The following INTU variants were observed in gnomAD, a reference collection of about 807,000 sequenced individuals.
INTU encodes the protein protein inturned.
INTU carries 68 observed loss-of-function variants against 100.5 expected under a neutral mutation model. The ratio of observed to expected loss-of-function variants is 0.68; its 90% CI spans 0.56 to 0.83. The LOEUF (loss-of-function observed/expected upper bound fraction) is 0.83, where lower values mean the gene tolerates loss of function less well. Among genes scored for constraint, INTU ranks in the 40% least tolerant of loss-of-function variants. The pLI is 0.00. For synonymous variants in INTU, 357 were observed against 395.7 expected, an observed-to-expected ratio of 0.90 and a Z score of 1.16; for missense variants, 1,071 against 1,114.7, an observed-to-expected ratio of 0.96 and a Z score of 0.56.
intron 3 of INTU, among the ~76,000 whole-genome samples, chr4:127,657,140 A>G (rs1728267709): frequency 6.6e-6 from 1 of 152,154 alleles, no homozygotes; most frequent in Non-Finnish European, 1.5e-5. Context: ...AAAACAAATC[A>G]TACAAGTTTC....
chr4:127,680,178 A>G (rs1729457550), intron 6 of INTU, among the ~76,000 whole-genome samples: 1 of 152,184 alleles, frequency 6.6e-6, no homozygotes, highest in African/African-American at 2.4e-5. Flanking sequence ...CAGAGGTACA[A>G]GGAGAAACTG....
At chr4:127,676,418 T>A (rs1216868461) in intron 6 of INTU, among the ~76,000 whole-genome samples, 1 of 151,974 alleles carries the variant, frequency 6.6e-6, no homozygotes, top group African/African-American at 2.4e-5. Context: ...AAACCCCGTC[T>A]CTTCAGCAAA....
intron 1 of INTU, among the ~76,000 whole-genome samples, chr4:127,640,696 C>T (rs1397569140): frequency 6.7e-6 from 1 of 149,918 alleles, no homozygotes; most frequent in Admixed American, 6.6e-5. Context: ...ACCAAATGTC[C>T]TACATCCTTG....
chr4:127,647,978 T>C (rs1373548989), intron 2 of INTU, among the ~76,000 whole-genome samples: 1 of 152,202 alleles, frequency 6.6e-6, no homozygotes, highest in South Asian at 2.1e-4. Context: ...AAGTATATAC[T>C]GAGAAATTGA....
At chr4:127,687,925 T>C (rs1372505599) in intron 8 of INTU, 58 bp downstream of exon 8, 2 of 1,152,664 alleles carry the variant, frequency 1.7e-6, no homozygotes, top group Non-Finnish European at 2.4e-6. Flanking sequence ...TAATCTTGTA[T>C]CTTCTCTTTT....
intron 2 of INTU, among the ~76,000 whole-genome samples, chr4:127,653,877 C>A (rs1404357971): frequency 6.6e-6 from 1 of 151,708 alleles, no homozygotes; most frequent in African/African-American, 2.4e-5. Flanking sequence ...GTAGGTCACT[C>A]AGGACTTGCT....
chr4:127,691,713 A>T (rs936287540), intron 8 of INTU, among the ~76,000 whole-genome samples: 1 of 151,680 alleles, frequency 6.6e-6, no homozygotes, highest in African/African-American at 2.4e-5. Flanking sequence ...TATACACTGT[A>T]CCTAATGTGT....
At chr4:127,711,216 A>G (rs1309546125) in intron 14 of INTU, 114 bp downstream of exon 14, 2 of 781,490 alleles carry the variant, frequency 2.6e-6, no homozygotes, top group African/African-American at 1.7e-5. Flanking sequence ...GTTTTTTTAA[A>G]TAGTCACTTA....
chr4:127,712,926 C>G (rs1196088856), intron 14 of INTU, among the ~76,000 whole-genome samples: 1 of 152,160 alleles, frequency 6.6e-6, no homozygotes, highest in Non-Finnish European at 1.5e-5. Context: ...ACTCTAATGC[C>G]TGATGATCTG....
chr4:127,643,587 TGAGGATGAAGAAGAAA>T lies in INTU; in HGVS notation c.215_230del (p.Glu72AlafsTer9), dbSNP rs1311989830. 1 of 1,612,542 alleles carries T rather than the reference TGAGGATGAAGAAGAAA, an allele frequency of 6.2e-7. No homozygotes were observed. The highest frequency in any genetic ancestry group is 2.2e-5 in the East Asian group (1 of 44,852). ...GAGAGCTGTTTTATTTGGAATTGAG[TGAGGATGAAGAAGAAA>T]GCCTCCTTCCTGAGACACCAACTGT... On this transcript the variant is annotated frameshift_variant, in exon 2 of 16. Transcript: ENST00000335251. LOFTEE classifies it high-confidence loss of function.
chr4:127,715,665 A>G (rs1473472699), intron 15 of INTU, among the ~76,000 whole-genome samples: 2 of 152,218 alleles, frequency 1.3e-5, no homozygotes, highest in Admixed American at 6.5e-5. Flanking sequence ...ACTAGAAATG[A>G]GAAGACCAGT....
At position 127,663,509 on chromosome 4, in the gene INTU, G is replaced by A. The variant is rs1231481175; in HGVS notation, c.897G>A (p.Gln299=). 1 of 1,613,542 alleles carries A rather than the reference G, an allele frequency of 6.2e-7. No homozygotes were observed. Among genetic ancestry groups the A allele is most frequent in the Non-Finnish European group, 8.5e-7 (1 of 1,179,608 alleles). ...GGGGAGAAGAGGTTGAAGGTATCCA[G>A]CAGAGTGGCCTAAACACTCCTCATA... The part of the protein sequence containing the change: ...LLWGEEVEGI[Q]QSGLNTPHII... Residue 299 remains glutamine (Q), a synonymous_variant, in exon 4 of 16, where the codon CAG becomes CAA. Coordinates refer to ENST00000335251, the MANE Select transcript of INTU (RefSeq NM_015693.4).
intron 1 of INTU, 141 bp downstream of exon 1, chr4:127,633,321 A>G (rs933181992): frequency 1.2e-6 from 1 of 806,576 alleles, no homozygotes; most frequent in Non-Finnish European, 1.9e-6. Flanking sequence ...TAATTGCACC[A>G]CGTTCCATTG....
intron 4 of INTU, among the ~76,000 whole-genome samples, chr4:127,664,850 A>G (rs2126201468): frequency 6.6e-6 from 1 of 152,028 alleles, no homozygotes; most frequent in South Asian, 2.1e-4. Context: ...GAGATTACTG[A>G]TATATTTGAA....
chr4:127,655,931 C>T (rs1190978173), intron 2 of INTU, among the ~76,000 whole-genome samples: 1 of 152,072 alleles, frequency 6.6e-6, no homozygotes, highest in African/African-American at 2.4e-5. Flanking sequence ...CGTGGTGCGC[C>T]GTTTTTTAAA....
intron 8 of INTU, among the ~76,000 whole-genome samples, chr4:127,696,145 A>AT (rs1321310470): frequency 3.3e-5 from 5 of 151,456 alleles, no homozygotes; most frequent in African/African-American, 9.7e-5. Context: ...CTGGCCTGTC[A>AT]TTTTTTTTGT....
intron 13 of INTU, 81 bp from the exon 14 acceptor site, chr4:127,710,832 C>A: frequency 3.8e-6 from 3 of 788,060 alleles, no homozygotes; most frequent in South Asian, 3.5e-5. Flanking sequence ...TATAAGAAGT[C>A]TACTAAATTC....
At chr4:127,661,650 C>G (rs1005299791) in intron 3 of INTU, among the ~76,000 whole-genome samples, 2 of 152,130 alleles carry the variant, frequency 1.3e-5, no homozygotes, top group Admixed American at 1.3e-4. Context: ...GGACAATCTT[C>G]AGAGCTCCCA....
rs1318285216 is a variant in INTU, at chr4:127,716,378, C to T, written c.2771C>T (p.Ser924Leu). 6.3e-7 allele frequency: 1 copy of T among 1,591,264 alleles called. No homozygotes were observed. Among genetic ancestry groups the T allele is most frequent in the Admixed American group, 1.8e-5 (1 of 56,354 alleles). The change falls in exon 16 of 16, where the codon TCA (serine) becomes TTA (leucine). Residue 924 changes from serine to leucine, a missense_variant. By Grantham distance (145) the Ser-to-Leu change is moderately radical (BLOSUM62 -2). Transcript: ENST00000335251. ...PQELYVCFHD[S>L]VTEIAIEIAF... Reference sequence around the variant, plus strand: ...GAACTTTATGTCTGTTTTCATGACTCAGTCACAGAAATTGCCATTGAAATA... The same window carrying T: ...GAACTTTATGTCTGTTTTCATGACTTAGTCACAGAAATTGCCATTGAAATA...
Sources: gnomAD v4.1 joint callset for allele counts (sites outside exome capture counted in the v4.1 genomes callset) on GRCh38, gnomAD v4.1.1 for gene constraint, MANE v1.5 for transcripts, NCBI Gene and HGNC (gene_info 2026-07-23, HGNC 2026-07-21) for gene names.